KLC1: variants seen among roughly 807,000 people sequenced by gnomAD.
The protein encoded by KLC1 is kinesin light chain 1, also known as kinesin 2 60/70kDa.
Under a neutral mutation model 84.2 loss-of-function variants are expected in KLC1, and 30 were observed. That is an observed-to-expected ratio of 0.36 (90% CI 0.27 to 0.48). KLC1 has a LOEUF of 0.48. Among genes scored for constraint, KLC1 ranks in the 20% least tolerant of loss-of-function variants. The pLI, the probability that KLC1 is intolerant of heterozygous loss-of-function variation, is 0.99. For synonymous variants in KLC1, 289 were observed against 293.3 expected (o/e 0.99, Z 0.15); for missense variants, 499 against 805.4 (o/e 0.62, Z 4.60).
At chr14:103,645,476 C>T (rs570445767) in intron 1 of KLC1, among the ~76,000 whole-genome samples, 6 of 152,164 alleles carry the variant, frequency 3.9e-5, no homozygotes, top group Non-Finnish European at 8.8e-5. Context: ...TAGTTTAAAG[C>T]ATCCACCTAA....
chr14:103,701,303 A>G lies in KLC1; in HGVS notation c.*104A>G, dbSNP rs2083181037. 1 of 1,249,860 alleles carries G rather than the reference A, an allele frequency of 8.0e-7. No homozygotes were observed. Among genetic ancestry groups the G allele is most frequent in the Middle Eastern group, 2.0e-4 (1 of 4,942 alleles). The allele number at this position is 1,249,860 out of a possible 1,614,324, so 77.4% of individuals were successfully genotyped here. A position where few individuals can be genotyped will look rare whatever the true frequency, so the allele number is the denominator to read the frequency against. On this transcript the variant is annotated 3_prime_UTR_variant, in exon 17 of 17. Transcript: ENST00000334553. ...GGGAGGGCCCCTGGCCGGGAGCCGC[A>G]GCGCTCACTCATTTCTCCTGCGTCT...
At chr14:103,634,212 C>T (rs1216016153) in intron 1 of KLC1, among the ~76,000 whole-genome samples, 1 of 152,142 alleles carries the variant, frequency 6.6e-6, no homozygotes, top group African/African-American at 2.4e-5. Context: ...TATTGTTTGT[C>T]TCCACTTAAC....
chr14:103,674,396 A>G (rs1425128386), intron 9 of KLC1, among the ~76,000 whole-genome samples: 1 of 151,160 alleles, frequency 6.6e-6, no homozygotes, highest in East Asian at 1.9e-4. Flanking sequence ...CTTAAAACGA[A>G]TATTGATTCG....
At chr14:103,685,333 T>C in intron 13 of KLC1, 1 of 1,272,214 alleles carries the variant, frequency 7.9e-7, no homozygotes, top group Non-Finnish European at 1.0e-6. Flanking sequence ...GTAAAGCCTT[T>C]TACACCAAGT....
chr14:103,651,288 G>A (rs1228058956), intron 1 of KLC1, among the ~76,000 whole-genome samples: 4 of 152,270 alleles, frequency 2.6e-5, no homozygotes, highest in Non-Finnish European at 2.9e-5. Context: ...GATTACAGGC[G>A]TCGGCCACCG....
chr14:103,654,765 G>C lies in KLC1; in HGVS notation c.201G>C (p.Glu67Asp). The C allele has an allele frequency of 6.2e-7, 1 of 1,614,220 alleles. No homozygotes were observed. Among genetic ancestry groups the C allele is most frequent in the Non-Finnish European group, 8.5e-7 (1 of 1,180,038 alleles). Residue 67 changes from glutamate (E) to aspartate (D), a missense_variant, in exon 2 of 17, where the codon GAG becomes GAC. Physicochemically the swap from Glu to Asp is conservative, Grantham distance 45. Around this residue, in one of 3 missense-constraint regions of KLC1, gnomAD observed 179 missense variants for 264.2 expected, o/e 0.68. Coordinates refer to ENST00000334553, the MANE Select transcript of KLC1 (RefSeq NM_001394837.1). ...KKDDESNLVE[E>D]KSNMIRKSLE... ...ATGATGAAAGTAATTTGGTGGAGGA[G>C]AAATCAAACATGATCCGGAAGTCAC...
At chr14:103,685,910 A>G in intron 13 of KLC1, 1 of 1,124,178 alleles carries the variant, frequency 8.9e-7, no homozygotes, top group South Asian at 2.0e-5. Context: ...ACGAGTTTAA[A>G]AATTAAGAGC....
intron 1 of KLC1, among the ~76,000 whole-genome samples, chr14:103,631,574 T>C (rs1162298626): frequency 6.6e-6 from 1 of 152,140 alleles, no homozygotes; most frequent in Non-Finnish European, 1.5e-5. Flanking sequence ...TCTTTGTAGA[T>C]AAGTGGAATG....
chr14:103,640,088 G>T (rs1302617363), intron 1 of KLC1, among the ~76,000 whole-genome samples: 1 of 151,890 alleles, frequency 6.6e-6, no homozygotes, highest in Non-Finnish European at 1.5e-5. Context: ...TTATTTTTGA[G>T]ACAGAGTTTC....
intron 1 of KLC1, among the ~76,000 whole-genome samples, chr14:103,643,065 C>G (rs1269799074): frequency 3.3e-5 from 5 of 151,942 alleles, no homozygotes; most frequent in Non-Finnish European, 7.4e-5. Context: ...GCCTCCATGC[C>G]CAGCCAAGAA....
intron 13 of KLC1, 44 bp downstream of exon 13, chr14:103,679,589 C>G: frequency 6.7e-7 from 1 of 1,497,074 alleles, no homozygotes; most frequent in Non-Finnish European, 9.3e-7. Context: ...GAGGCGCCCC[C>G]AAGTGGCGCT....
intron 1 of KLC1, among the ~76,000 whole-genome samples, chr14:103,640,347 A>G (rs1002566047): frequency 1.1e-4 from 16 of 151,766 alleles, no homozygotes; most frequent in Non-Finnish European, 1.9e-4. Context: ...GGCATGAGCC[A>G]CTGCCCCTGG....
intron 1 of KLC1, among the ~76,000 whole-genome samples, chr14:103,651,048 C>T (rs1003621373): frequency 3.3e-5 from 5 of 149,978 alleles, no homozygotes; most frequent in Admixed American, 6.6e-5. Context: ...CTTGCTCTGT[C>T]GCCCAGGCTG....
rs1450880797 is a variant in KLC1, at chr14:103,694,894, CTG to C, written c.1848+2473_1848+2474del. The C allele has an allele frequency of 1.0e-5, 10 of 985,366 alleles. No individual in the cohort carries two copies. The highest frequency in any genetic ancestry group is 1.2e-5 in the Non-Finnish European group (10 of 829,948). The allele number at this position is 985,366 out of a possible 1,614,324, so 61.0% of individuals were successfully genotyped here. ...CATCCCGCCTCATGTCGCAGGACTG[CTG>C]TGTTTGTGAAAGCGCGTTTGTTTCC... On this transcript the variant is annotated intron_variant, in intron 15 of 16. Coordinates refer to ENST00000334553, the MANE Select transcript of KLC1 (RefSeq NM_001394837.1). The surrounding 1 kb of genome is among the most constrained non-coding windows in gnomAD (Gnocchi z 4.5).
rs563536764 is a variant in KLC1, at chr14:103,701,043, C to T, written c.*2-158C>T. ...AGAGACCAAAGACGCACCAGTCCCC[C>T]ATGACCCCTCGGCCCCAGGGAGGCT... On this transcript the variant is annotated intron_variant, in intron 16 of 16. Coordinates refer to ENST00000334553, the MANE Select transcript of KLC1 (RefSeq NM_001394837.1). 5.9e-5 allele frequency among the ~76,000 whole-genome samples: 9 copies of T among 152,352 alleles called. No homozygotes were observed. The South Asian group carries it at 1.2e-3, about 21-fold the overall frequency.
intron 5 of KLC1, among the ~76,000 whole-genome samples, chr14:103,668,075 A>G (rs545191328): frequency 6.6e-6 from 1 of 152,328 alleles, no homozygotes; most frequent in South Asian, 2.1e-4. Context: ...TTTTTTCAGT[A>G]TACATGTAGC....
intron 1 of KLC1, among the ~76,000 whole-genome samples, chr14:103,647,333 C>T (rs1213811770): frequency 6.6e-6 from 1 of 151,936 alleles, no homozygotes; most frequent in Non-Finnish European, 1.5e-5. Flanking sequence ...AAGCGATTCT[C>T]CTGCCTCAGC....
At chr14:103,662,068 G>A (rs777389802) in intron 3 of KLC1, 48 bp from the exon 4 acceptor site, 6 of 1,269,906 alleles carry the variant, frequency 4.7e-6, no homozygotes, top group Non-Finnish European at 5.8e-6. Flanking sequence ...AGGACAGGAT[G>A]TGTATAGCAC....
At chr14:103,666,816 G>A (rs148697652) in intron 5 of KLC1, among the ~76,000 whole-genome samples, 88 of 130,886 alleles carry the variant, frequency 6.7e-4, no homozygotes, top group Non-Finnish European at 1.2e-3. Context: ...TTGCTCTGTC[G>A]CCCGGGCTGG....
Sources: gnomAD v4.1 joint callset for allele counts (sites outside exome capture counted in the v4.1 genomes callset) on GRCh38, gnomAD v4.1.1 for gene constraint, gnomAD v4.1.1 regional missense constraint, Gnocchi (gnomAD v3.1) non-coding constraint, MANE v1.5 for transcripts, NCBI Gene and HGNC (gene_info 2026-07-23, HGNC 2026-07-21) for gene names.